The following HECTD4 variants were observed in gnomAD, a reference collection of about 807,000 sequenced individuals.
HECTD4 encodes the protein probable E3 ubiquitin-protein ligase HECTD4.
In HECTD4, 114 loss-of-function variants were observed where a neutral mutation model predicts 471.5. The observed-to-expected ratio is 0.24, with a 90% CI of 0.21 to 0.28. HECTD4 has a LOEUF of 0.28. HECTD4 is among the 10% of genes least tolerant of loss of function. The pLI is 1.00. For missense variants in HECTD4, 3,866 were observed against 5,651.5 expected, an observed-to-expected ratio of 0.68 and a Z score of 10.13; for synonymous variants, 2,012 against 2,256.0, an observed-to-expected ratio of 0.89 and a Z score of 3.07.
chr12:112,177,767 C>A (rs571721270), intron 64 of HECTD4, among the ~76,000 whole-genome samples: 1 of 152,258 alleles, frequency 6.6e-6, no homozygotes, highest in Non-Finnish European at 1.5e-5. Context: ...ATAAAAATGG[C>A]AAGGTATGGA....
chr12:112,287,930 T>C (rs2034790978), intron 7 of HECTD4, among the ~76,000 whole-genome samples: 1 of 152,154 alleles, frequency 6.6e-6, no homozygotes, highest in South Asian at 2.1e-4. Context: ...ACTGTCACAT[T>C]GGTGGCCCCT....
At chr12:112,196,749 C>T (rs1357997332) in intron 55 of HECTD4, among the ~76,000 whole-genome samples, 2 of 152,006 alleles carry the variant, frequency 1.3e-5, no homozygotes, top group Admixed American at 6.6e-5. Context: ...CGCCACTGCT[C>T]CTAGCTAATT....
chr12:112,278,432 C>T (rs944026183), intron 9 of HECTD4, among the ~76,000 whole-genome samples: 4 of 152,160 alleles, frequency 2.6e-5, no homozygotes, highest in African/African-American at 9.7e-5. Flanking sequence ...CACTCTGAAG[C>T]CAAAATTACA....
Position 112,306,248 on chromosome 12 carries a change from G to T in HECTD4, c.1165-14C>A. Reference sequence around the variant, plus strand: ...CACCTGGCACACCTGGGCATGAAAGGGAGGAAATCTCCATTAGAGCCACAT... The same window carrying T: ...CACCTGGCACACCTGGGCATGAAAGTGAGGAAATCTCCATTAGAGCCACAT... On this transcript the variant is annotated splice_polypyrimidine_tract_variant and intron_variant, in intron 6 of 75. Transcript: ENST00000682272. 1 of 1,504,810 alleles carries T rather than the reference G, an allele frequency of 6.6e-7. No individual in the cohort carries two copies. The highest frequency in any genetic ancestry group is 8.9e-7 in the Non-Finnish European group (1 of 1,128,788). 93.2% of individuals were successfully genotyped at this position (1,504,810 alleles called of 1,614,324 possible).
intron 44 of HECTD4, among the ~76,000 whole-genome samples, chr12:112,220,496 T>A (rs2033056330): frequency 6.6e-6 from 1 of 152,052 alleles, no homozygotes; most frequent in African/African-American, 2.4e-5. Flanking sequence ...GAAAACATCA[T>A]TAAGTTAGAT....
chr12:112,233,104 A>G lies in HECTD4; in HGVS notation c.5916-19T>C. On this transcript the variant is annotated intron_variant, in intron 37 of 75. Coordinates refer to ENST00000682272, the MANE Select transcript of HECTD4 (RefSeq NM_001388303.1). ...TGAACTACTGAAAAAAGGCAGGCAG[A>G]GAACACAGCACACCTTACAGGCACT... is the stretch of plus-strand genomic sequence containing the variant. 1 of 1,590,264 alleles carries G rather than the reference A, an allele frequency of 6.3e-7. No homozygotes were observed.
At chr12:112,338,095 A>G (rs1222835235) in intron 1 of HECTD4, among the ~76,000 whole-genome samples, 1 of 152,206 alleles carries the variant, frequency 6.6e-6, no homozygotes, top group Non-Finnish European at 1.5e-5. Flanking sequence ...AAGTGTCGGC[A>G]GGGCTGCACT....
intron 1 of HECTD4, among the ~76,000 whole-genome samples, chr12:112,345,677 C>T (rs1397809866): frequency 3.3e-5 from 5 of 152,078 alleles, no homozygotes; most frequent in Non-Finnish European, 5.9e-5. Context: ...CGGTGGCTCA[C>T]GAGGTCAGGA....
At chr12:112,317,127 G>A (rs2035495013) in intron 2 of HECTD4, among the ~76,000 whole-genome samples, 1 of 152,134 alleles carries the variant, frequency 6.6e-6, no homozygotes, top group East Asian at 1.9e-4. Flanking sequence ...AATGGAATTT[G>A]CACAGTGATA....
chr12:112,208,098 A>T (rs2032648394), intron 51 of HECTD4, 98 bp from the exon 52 acceptor site: 1 of 1,344,644 alleles, frequency 7.4e-7, no homozygotes, highest in African/African-American at 1.5e-5. Flanking sequence ...TCTTCACCCC[A>T]CTTAAATGCC....
At chr12:112,202,032 A>G (rs1056953908) in intron 54 of HECTD4, among the ~76,000 whole-genome samples, 4 of 152,142 alleles carry the variant, frequency 2.6e-5, no homozygotes, top group African/African-American at 9.7e-5. Flanking sequence ...TATCATCCTA[A>G]TGTATTTTCT....
At chr12:112,354,483 T>C (rs1026790787) in intron 1 of HECTD4, among the ~76,000 whole-genome samples, 3 of 152,178 alleles carry the variant, frequency 2.0e-5, no homozygotes, top group Non-Finnish European at 4.4e-5. Context: ...GCCAGTAGTT[T>C]GAGACTAGTC....
intron 1 of HECTD4, among the ~76,000 whole-genome samples, chr12:112,348,132 TTAATC>T (rs1415828629): frequency 1.3e-5 from 2 of 152,168 alleles, no homozygotes; most frequent in African/African-American, 4.8e-5. Context: ...ATTTTTAAAT[TTAATC>T]AAATCGCTGC....
intron 12 of HECTD4, among the ~76,000 whole-genome samples, 186 bp from the exon 13 acceptor site, chr12:112,270,035 C>T (rs147789058): frequency 1.4e-4 from 21 of 152,240 alleles, no homozygotes; most frequent in Non-Finnish European, 2.4e-4. Flanking sequence ...AATTGTAATA[C>T]GCTATGTATA....
At chr12:112,274,456 A>G (rs1032179346) in intron 10 of HECTD4, among the ~76,000 whole-genome samples, 3 of 152,248 alleles carry the variant, frequency 2.0e-5, no homozygotes, top group African/African-American at 7.2e-5. Flanking sequence ...CTGTAATCCC[A>G]GCACTTTGGG....
intron 21 of HECTD4, among the ~76,000 whole-genome samples, chr12:112,254,731 C>G (rs1047262538): frequency 2.6e-5 from 4 of 152,064 alleles, no homozygotes; most frequent in Non-Finnish European, 5.9e-5. Context: ...GAAAATGATA[C>G]AAATTTGGGC....
chr12:112,264,055 G>A (rs763303066), intron 17 of HECTD4, 29 bp downstream of exon 17: 15 of 1,596,862 alleles, frequency 9.4e-6, no homozygotes, highest in Middle Eastern at 3.3e-4. Flanking sequence ...TGGGTAGAAC[G>A]CATCGTTAAA....
intron 69 of HECTD4, 156 bp downstream of exon 69, chr12:112,170,177 C>A: frequency 1.5e-5 from 16 of 1,046,228 alleles, no homozygotes; most frequent in Non-Finnish European, 2.1e-5. Context: ...CCTGAGGGGA[C>A]CTTCCAGCAG....
At chr12:112,295,929 TG>T (rs1767673559) in intron 7 of HECTD4, among the ~76,000 whole-genome samples, 1 of 152,086 alleles carries the variant, frequency 6.6e-6, no homozygotes, top group African/African-American at 2.4e-5. Context: ...CCCAAAGTGC[TG>T]GGATTACAGG....
Sources: allele counts gnomAD v4.1 joint callset (sites outside exome capture counted in the v4.1 genomes callset), GRCh38; gene constraint gnomAD v4.1.1; transcripts MANE v1.5; gene names NCBI Gene and HGNC (gene_info 2026-07-23, HGNC 2026-07-21).